MERTK: variants seen among roughly 807,000 people sequenced by gnomAD.
MERTK encodes the protein MER proto-oncogene, tyrosine kinase.
In MERTK, 69 loss-of-function variants were observed where a neutral mutation model predicts 99.3. The observed-to-expected ratio is 0.70, with a 90% CI of 0.57 to 0.85. The LOEUF (loss-of-function observed/expected upper bound fraction) is 0.85. Ranked by LOEUF, MERTK falls within the 40% of genes least tolerant of loss-of-function variation. MERTK has a pLI of 0.00. For synonymous variants in MERTK, 426 were observed against 467.6 expected, an observed-to-expected ratio of 0.91 and a Z score of 1.15; for missense variants, 1,125 against 1,249.4, an observed-to-expected ratio of 0.90 and a Z score of 1.50.
chr2:111,947,314 A>G, intron 3 of MERTK, 80 bp from the exon 4 acceptor site: 1 of 1,280,348 alleles, frequency 7.8e-7, no homozygotes, highest in Non-Finnish European at 1.1e-6. Flanking sequence ...GCCAAGTTCT[A>G]GTCCAGTTTC....
intron 1 of MERTK, among the ~76,000 whole-genome samples, chr2:111,905,460 A>G (rs1299833081): frequency 3.4e-5 from 3 of 89,514 alleles, no homozygotes; most frequent in African/African-American, 4.2e-5. Context: ...TTTTTTTGAC[A>G]TGGAGGCTCA....
Position 111,940,304 on chromosome 2 carries a change from A to G in MERTK, c.483-4656A>G, listed in dbSNP as rs773858213. On this transcript the variant is annotated intron_variant, in intron 2 of 18. Transcript: ENST00000295408. The stretch of plus-strand genomic sequence containing the variant: ...GAAAAGCTGAAGTCCTAAAGTGTTC[A>G]TCTTCCAACTTTTCCCAGCCTGTGG... 23 of 466,036 alleles carry G rather than the reference A, an allele frequency of 4.9e-5. No individual in the cohort carries two copies. The East Asian group carries it at 8.7e-4, about 18-fold the overall frequency. The allele number at this position is 466,036 out of a possible 1,614,324, so 28.9% of individuals were successfully genotyped here.
intron 15 of MERTK, 195 bp from the exon 16 acceptor site, chr2:112,019,218 G>A (rs2104421413): frequency 1.4e-6 from 1 of 712,372 alleles, no homozygotes; most frequent in South Asian, 1.5e-5. Flanking sequence ...TGTTTGCCAA[G>A]AAGTTTAAGG....
At chr2:111,991,099 G>A (rs1573624605) in intron 8 of MERTK, among the ~76,000 whole-genome samples, 2 of 152,140 alleles carry the variant, frequency 1.3e-5, no homozygotes, top group Admixed American at 1.3e-4. Flanking sequence ...GTCACCAAAC[G>A]GCTCCATGAC....
intron 6 of MERTK, among the ~76,000 whole-genome samples, chr2:111,970,755 T>TCCTCCTCCTCCTCC (rs1676094350): frequency 2.2e-5 from 1 of 44,708 alleles, no homozygotes; most frequent in Non-Finnish European, 4.3e-5. Flanking sequence ...CCTCCTCCCT[T>TCCTCCTCCTCCTCC]CTCCTCCTCC....
chr2:111,929,085 T>G, intron 1 of MERTK, 35 bp from the exon 2 acceptor site: 1 of 1,613,856 alleles, frequency 6.2e-7, no homozygotes, highest in Non-Finnish European at 8.5e-7. Flanking sequence ...CTCTTCTTAT[T>G]TAAAAGGCTA....
At chr2:111,899,826 A>C (rs1042120053) in intron 1 of MERTK, among the ~76,000 whole-genome samples, 58 of 152,032 alleles carry the variant, frequency 3.8e-4, no homozygotes, top group African/African-American at 1.2e-3. Context: ...TGTTCCAGGC[A>C]TTTTAATACA....
chr2:112,011,399 G>A (rs770314485), intron 15 of MERTK, among the ~76,000 whole-genome samples: 10 of 152,126 alleles, frequency 6.6e-5, no homozygotes, highest in Non-Finnish European at 1.5e-4. Context: ...CAGCCAGGTC[G>A]CTTTTCCAAG....
chr2:111,944,730 G>A (rs552840980), intron 2 of MERTK, among the ~76,000 whole-genome samples: 8 of 152,256 alleles, frequency 5.3e-5, no homozygotes, highest in African/African-American at 1.7e-4. Context: ...GAAGAGTAAT[G>A]TGCTTTACTC....
At chr2:111,900,703 A>C (rs1488919480) in intron 1 of MERTK, among the ~76,000 whole-genome samples, 1 of 152,132 alleles carries the variant, frequency 6.6e-6, no homozygotes. Flanking sequence ...TCGTTCTTGC[A>C]CTTTTTGCTT....
At chr2:112,001,004 C>A (rs1676857697) in intron 10 of MERTK, among the ~76,000 whole-genome samples, 197 bp from the exon 11 acceptor site, 1 of 152,164 alleles carries the variant, frequency 6.6e-6, no homozygotes, top group South Asian at 2.1e-4. Flanking sequence ...TTGGCGGTAC[C>A]TGGCTAGAGT....
Position 112,025,254 on chromosome 2 carries a change from G to A in MERTK, c.2486+2860G>A, listed in dbSNP as rs78276692. Among the ~76,000 whole-genome samples the A allele has an allele frequency of 4.0e-3, 608 of 152,276 alleles. 3 individuals are homozygous for A. Among genetic ancestry groups the A allele is most frequent in the African/African-American group, 0.014 (590 of 41,550 alleles). On this transcript the variant is annotated intron_variant, in intron 18 of 18. Coordinates refer to ENST00000295408, the MANE Select transcript of MERTK (RefSeq NM_006343.3). Reference sequence around the variant, plus strand: ...CACACAGCTGGCACTTGCTGGTCATGTTCTACCTGCATCAGCCACCTTGAA... The same window carrying A: ...CACACAGCTGGCACTTGCTGGTCATATTCTACCTGCATCAGCCACCTTGAA...
intron 1 of MERTK, among the ~76,000 whole-genome samples, chr2:111,922,415 A>G (rs1684476601): frequency 6.6e-6 from 1 of 152,210 alleles, no homozygotes; most frequent in South Asian, 2.1e-4. Context: ...AGCCCTTCGC[A>G]TCCCAAGCCC....
intron 1 of MERTK, among the ~76,000 whole-genome samples, chr2:111,899,933 T>A (rs1198095050): frequency 6.6e-6 from 1 of 152,020 alleles, no homozygotes; most frequent in African/African-American, 2.4e-5. Context: ...TCAAGTTTGA[T>A]CGCTGATGCA....
rs190379324 is a variant in MERTK, at chr2:111,963,152, T to C, written c.758-2039T>C. ...CAAGGTAAAGAATTAAGTGCTGTGC[T>C]TTAGATATGCATACACATAAACATC... On this transcript the variant is annotated intron_variant, in intron 4 of 18. Coordinates refer to ENST00000295408, the MANE Select transcript of MERTK (RefSeq NM_006343.3). Among the ~76,000 whole-genome samples the C allele has an allele frequency of 3.4e-3, 519 of 152,258 alleles. 13 individuals carry two copies. The highest frequency in any genetic ancestry group is 0.03 in the Admixed American group (456 of 15,304).
intron 1 of MERTK, among the ~76,000 whole-genome samples, chr2:111,927,253 G>T (rs1343420637): frequency 6.6e-6 from 1 of 152,226 alleles, no homozygotes; most frequent in African/African-American, 2.4e-5. Flanking sequence ...GCCTGGGAGG[G>T]AGCAGTTGCT....
intron 4 of MERTK, among the ~76,000 whole-genome samples, chr2:111,959,241 G>A (rs1180358197): frequency 1.3e-5 from 2 of 152,150 alleles, no homozygotes; most frequent in East Asian, 1.9e-4. Flanking sequence ...TGGGATCAGT[G>A]TCTCCATCCT....
chr2:111,904,576 G>A (rs1015906507), intron 1 of MERTK, among the ~76,000 whole-genome samples: 6 of 151,936 alleles, frequency 3.9e-5, no homozygotes, highest in Admixed American at 1.3e-4. Context: ...GGGTTTCACC[G>A]TGTTGGGCAG....
chr2:111,962,408 G>T (rs1449189582), intron 4 of MERTK, among the ~76,000 whole-genome samples: 2 of 152,138 alleles, frequency 1.3e-5, no homozygotes, highest in Non-Finnish European at 2.9e-5. Flanking sequence ...TTGGAAGGCC[G>T]AGGCAGGAGA....
Sources: allele counts gnomAD v4.1 joint callset (sites outside exome capture counted in the v4.1 genomes callset), GRCh38; gene constraint gnomAD v4.1.1; transcripts MANE v1.5; gene names NCBI Gene and HGNC (gene_info 2026-07-23, HGNC 2026-07-21).